C11orf65: variants seen among roughly 807,000 people sequenced by gnomAD.
C11orf65 encodes the protein chromosome 11 open reading frame 65, also known as protein MFI.
A neutral mutation model predicts 35.3 loss-of-function variants in C11orf65; 38 were observed. That is an observed-to-expected ratio of 1.08 (90% confidence interval 0.83 to 1.41). C11orf65 has a LOEUF of 1.41. Among genes scored for constraint, C11orf65 ranks in the 40% most tolerant of loss-of-function variants. The probability of loss-of-function intolerance (pLI) is 0.00; values close to 1 mark genes in which losing one functional copy is unlikely to be tolerated. For synonymous variants in C11orf65, 105 were observed against 114.4 expected (o/e 0.92, Z 0.53); for missense variants, 370 against 367.1 (o/e 1.01, Z -0.06).
chr11:108,329,352 G>A, downstream of C11orf65: 1 of 1,003,516 alleles, frequency 1.0e-6, no homozygotes, highest in Non-Finnish European at 1.5e-6. Flanking sequence ...AGCTCTAAAG[G>A]TCGGCTTAAC....
chr11:108,337,358 CGAT>C (rs1229011041), intron 2 of C11orf65, among the ~76,000 whole-genome samples: 5 of 152,120 alleles, frequency 3.3e-5, no homozygotes, highest in African/African-American at 1.2e-4. Context: ...AATTAATCCT[CGAT>C]GAATGCAAAA....
At chr11:108,379,565 A>T (rs948273751), downstream of C11orf65, among the ~76,000 whole-genome samples, 2 of 152,032 alleles carry the variant, frequency 1.3e-5, no homozygotes, top group African/African-American at 4.8e-5. Flanking sequence ...AGCATGGCAC[A>T]TGTATACATA....
At position 108,461,495 on chromosome 11, in the gene C11orf65, G is replaced by T; in HGVS notation, c.65C>A (p.Ala22Asp). 6.2e-7 allele frequency: 1 copy of T among 1,608,162 alleles called. No individual in the cohort carries two copies. Among genetic ancestry groups the T allele is most frequent in the South Asian group, 1.1e-5 (1 of 89,614 alleles). Residue 22 changes from alanine to aspartate, a missense_variant, in exon 2 of 9, where the codon GCC becomes GAC. Coordinates refer to ENST00000393084, the MANE Select transcript of C11orf65 (RefSeq NM_152587.5). Reference protein sequence around the residue: ...QDKAARVIQQAWKSFLNVAIF... With the variant: ...QDKAARVIQQDWKSFLNVAIF... ...TAAACTCACAAGGAAACTTTTCCAG[G>T]CCTGCTGAATGACTCTGGCAGCCTT...
rs117970082 is a variant in C11orf65, at chr11:108,354,150, G to A, written c.227-18858C>T. Among the ~76,000 whole-genome samples, 7,172 of 150,962 alleles carry A rather than the reference G, an allele frequency of 0.048. 223 individuals are homozygous for A. The highest frequency in any genetic ancestry group is 0.071 in the Non-Finnish European group (4,788 of 67,832). On this transcript the variant is annotated intron_variant, in intron 2 of 3. Transcript: ENST00000524755. ...GATTATAGAATTTAGTGCTAGAATC[G>A]TATTCCAGTGCCTTATCAATACTAA...
intron 5 of C11orf65, among the ~76,000 whole-genome samples, chr11:108,406,049 T>C (rs2092534438): frequency 6.6e-6 from 1 of 152,142 alleles, no homozygotes; most frequent in Non-Finnish European, 1.5e-5. Context: ...ACACATACCC[T>C]AGATAATAAG....
intron 2 of C11orf65, among the ~76,000 whole-genome samples, chr11:108,360,621 G>C (rs1252784238): frequency 6.7e-6 from 1 of 149,642 alleles, no homozygotes; most frequent in African/African-American, 2.5e-5. Context: ...CTTCATCCCT[G>C]GGATTCAAGG....
chr11:108,404,989 T>C (rs1445145186), intron 6 of C11orf65, among the ~76,000 whole-genome samples: 2 of 152,202 alleles, frequency 1.3e-5, no homozygotes, highest in South Asian at 2.1e-4. Context: ...CCATTAACTT[T>C]AGTTAAAAAG....
upstream of C11orf65, among the ~76,000 whole-genome samples, chr11:108,469,805 T>C (rs2093564780): frequency 6.6e-6 from 1 of 152,128 alleles, no homozygotes; most frequent in Non-Finnish European, 1.5e-5. Context: ...TATTCATTTA[T>C]ATGTACCTGC....
chr11:108,317,702 G>A (rs2084866059), intron 6 of C11orf65, among the ~76,000 whole-genome samples: 1 of 140,254 alleles, frequency 7.1e-6, no homozygotes, highest in Non-Finnish European at 1.5e-5. Context: ...CATATATATA[G>A]TGTGTATGTG....
chr11:108,331,936 T>G lies in C11orf65; in HGVS notation c.300-369A>C, dbSNP rs1208002418. 2 of 1,613,858 alleles carry G rather than the reference T, an allele frequency of 1.2e-6. No homozygotes were observed. Among genetic ancestry groups the G allele is most frequent in the African/African-American group, 1.3e-5 (1 of 74,922 alleles). On this transcript the variant is annotated intron_variant, in intron 3 of 3. Coordinates refer to the C11orf65 transcript ENST00000524755. ...TCACACTTTGTTTATTATACTGGCC[T>G]TAGCAAATGCAAACAGAGATGAATT...
At chr11:108,461,419 T>G (rs2093471899) in intron 2 of C11orf65, 60 bp downstream of exon 2, 1 of 1,338,844 alleles carries the variant, frequency 7.5e-7, no homozygotes, top group Admixed American at 1.9e-5. Context: ...AATTGAACTG[T>G]ACACTTTAAA....
chr11:108,427,025 T>C (rs2092911953), intron 3 of C11orf65, among the ~76,000 whole-genome samples: 1 of 152,080 alleles, frequency 6.6e-6, no homozygotes, highest in Non-Finnish European at 1.5e-5. Flanking sequence ...TTACACCTTA[T>C]ACAAAAATTA....
intron 6 of C11orf65, chr11:108,325,660 AT>A: frequency 1.1e-6 from 1 of 895,842 alleles, no homozygotes; most frequent in Non-Finnish European, 1.7e-6. Context: ...CTCTATTAAT[AT>A]ATAGTAAAAA....
rs773889320 is a variant in C11orf65 at position 108,335,906 on chromosome 11, T to G, written c.227-614A>C. 1 of 1,613,964 alleles carries G rather than the reference T, an allele frequency of 6.2e-7. No individual in the cohort carries two copies. The highest frequency in any genetic ancestry group is 8.5e-7 in the Non-Finnish European group (1 of 1,179,990). ...CAGGTCTTCCAGATGTGTAATACAT[T>G]ACTGCAGAGAAACACGGAAACTAGG... On this transcript the variant is annotated intron_variant, in intron 2 of 3. Coordinates refer to the C11orf65 transcript ENST00000524755.
intron 1 of C11orf65, among the ~76,000 whole-genome samples, chr11:108,461,877 T>C (rs1004721373): frequency 2.0e-5 from 3 of 152,182 alleles, no homozygotes; most frequent in Admixed American, 6.6e-5. Flanking sequence ...TGGCTTGGCC[T>C]CCCAAAGTGC....
At chr11:108,319,017 A>C (rs1353592391) in intron 6 of C11orf65, among the ~76,000 whole-genome samples, 1 of 152,006 alleles carries the variant, frequency 6.6e-6, no homozygotes, top group African/African-American at 2.4e-5. Context: ...CTCTACAAAA[A>C]AATACAAAAG....
At chr11:108,309,063 A>G in exon 7 of C11orf65, 10 of 1,498,492 alleles carry the variant, frequency 6.7e-6, no homozygotes, top group Non-Finnish European at 9.0e-6. Flanking sequence ...AAGATCCTGA[A>G]GAATATTCCT....
chr11:108,367,391 T>C (rs538284584), intron 2 of C11orf65: 1 of 195,666 alleles, frequency 5.1e-6, no homozygotes, highest in East Asian at 8.0e-5. Context: ...CTCTGTGTTC[T>C]GTTGGAAGGG....
chr11:108,338,342 A>T (rs2087086570), intron 2 of C11orf65, among the ~76,000 whole-genome samples: 1 of 152,058 alleles, frequency 6.6e-6, no homozygotes, highest in Non-Finnish European at 1.5e-5. Flanking sequence ...ACAGACCGAG[A>T]CTTCTTCTCA....
Sources: gnomAD v4.1 joint callset for allele counts (sites outside exome capture counted in the v4.1 genomes callset) on GRCh38, gnomAD v4.1.1 for gene constraint, MANE v1.5 for transcripts, NCBI Gene and HGNC (gene_info 2026-07-23, HGNC 2026-07-21) for gene names.